SPMIP2: variants seen among roughly 807,000 people sequenced by gnomAD.
SPMIP2 encodes protein SPMIP2.
At chr4:158,995,441 A>G in the SPMIP2 span, among the ~76,000 whole-genome samples, 4 of 152,204 alleles carry the variant, frequency 2.6e-5, no homozygotes, top group South Asian at 2.1e-4. Flanking sequence ...GATGGCTTAA[A>G]TAATATATTT....
the SPMIP2 span, among the ~76,000 whole-genome samples, chr4:159,018,855 C>A: frequency 6.6e-6 from 1 of 152,172 alleles, no homozygotes; most frequent in Non-Finnish European, 1.5e-5. Flanking sequence ...CTTTGGGAGG[C>A]TGTGGCAGGC....
the SPMIP2 span, among the ~76,000 whole-genome samples, chr4:159,053,697 A>C: frequency 6.6e-6 from 1 of 152,094 alleles, no homozygotes; most frequent in Admixed American, 6.6e-5. Context: ...TGGGTGGTAT[A>C]AGGTTGGCAG....
chr4:159,064,813 T>A, the SPMIP2 span, among the ~76,000 whole-genome samples: 1 of 152,262 alleles, frequency 6.6e-6, no homozygotes, highest in African/African-American at 2.4e-5. Context: ...GACTACTGTC[T>A]GTCTTTCACC....
the SPMIP2 span, among the ~76,000 whole-genome samples, chr4:158,978,332 C>T: frequency 5.3e-5 from 8 of 152,072 alleles, no homozygotes; most frequent in African/African-American, 1.9e-4. Context: ...GTTTTACTTC[C>T]AATTATGTGA....
At chr4:159,021,171 C>T in the SPMIP2 span, among the ~76,000 whole-genome samples, 1 of 152,240 alleles carries the variant, frequency 6.6e-6, no homozygotes, top group South Asian at 2.1e-4. Flanking sequence ...AAACTCCCAT[C>T]CAAATTTGGA....
the SPMIP2 span, among the ~76,000 whole-genome samples, chr4:158,969,437 G>A: frequency 1.3e-5 from 2 of 152,076 alleles, no homozygotes; most frequent in African/African-American, 2.4e-5. Flanking sequence ...GATGATGAAA[G>A]TAATGGTCTG....
the SPMIP2 span, among the ~76,000 whole-genome samples, chr4:158,943,931 C>G: frequency 7.0e-6 from 1 of 143,672 alleles, no homozygotes; most frequent in African/African-American, 2.6e-5. Context: ...TCTCGGCTCA[C>G]CGCAACCTCC....
At chr4:158,999,412 G>A in the SPMIP2 span, among the ~76,000 whole-genome samples, 2 of 152,174 alleles carry the variant, frequency 1.3e-5, no homozygotes, top group African/African-American at 4.8e-5. Context: ...GGCAGTAAGT[G>A]ACTTCAATTT....
At chr4:158,899,049 T>C in the SPMIP2 span, among the ~76,000 whole-genome samples, 2 of 152,172 alleles carry the variant, frequency 1.3e-5, no homozygotes, top group African/African-American at 4.8e-5. Context: ...GTTTATAGCT[T>C]GAAGTGGTGT....
At chr4:158,954,750 A>G in the SPMIP2 span, among the ~76,000 whole-genome samples, 1 of 152,224 alleles carries the variant, frequency 6.6e-6, no homozygotes, top group Non-Finnish European at 1.5e-5. Flanking sequence ...AAAAACAGGC[A>G]TTTCTGAAGT....
the SPMIP2 span, among the ~76,000 whole-genome samples, chr4:158,968,624 T>C: frequency 6.6e-6 from 1 of 152,246 alleles, no homozygotes; most frequent in Non-Finnish European, 1.5e-5. Context: ...ATCTTGGCTC[T>C]ACTATTTACT....
At chr4:159,066,619 AT>A in the SPMIP2 span, among the ~76,000 whole-genome samples, 323 of 32,192 alleles carry the variant, frequency 0.01, 1 homozygote, top group Middle Eastern at 0.034. Flanking sequence ...ATATATATAT[AT>A]AGTATTAAAG....
the SPMIP2 span, among the ~76,000 whole-genome samples, chr4:158,894,499 C>T: frequency 6.6e-6 from 1 of 152,128 alleles, no homozygotes; most frequent in African/African-American, 2.4e-5. Context: ...TTTGATTTCA[C>T]GTCTAGTATA....
At chr4:159,026,411 A>C in the SPMIP2 span, 1 of 978,270 alleles carries the variant, frequency 1.0e-6, no homozygotes. Context: ...GTTCAGCATC[A>C]GGAGTGGGAT....
chr4:158,913,412 T>TG, the SPMIP2 span, among the ~76,000 whole-genome samples: 5 of 152,084 alleles, frequency 3.3e-5, no homozygotes, highest in Admixed American at 2.0e-4. Context: ...TTTGTAAAGA[T>TG]GGGGTCTCAC....
the SPMIP2 span, among the ~76,000 whole-genome samples, chr4:158,968,423 G>A: frequency 6.6e-6 from 1 of 152,172 alleles, no homozygotes; most frequent in Non-Finnish European, 1.5e-5. Context: ...CATGAAGAAA[G>A]GGATGCATAC....
the SPMIP2 span, among the ~76,000 whole-genome samples, chr4:158,967,242 T>C: frequency 6.6e-6 from 1 of 152,300 alleles, no homozygotes; most frequent in South Asian, 2.1e-4. Flanking sequence ...AACATCTGTA[T>C]ATAAGGAGGT....
At chr4:158,929,017 G>A in the SPMIP2 span, among the ~76,000 whole-genome samples, 5 of 152,268 alleles carry the variant, frequency 3.3e-5, no homozygotes, top group East Asian at 3.9e-4. Context: ...GCGTCCGAGC[G>A]TCCGTGGCTT....
At chr4:159,056,731 A>T in the SPMIP2 span, among the ~76,000 whole-genome samples, 1 of 152,164 alleles carries the variant, frequency 6.6e-6, no homozygotes, top group Non-Finnish European at 1.5e-5. Context: ...CAAGAATTTG[A>T]TAGGGAAAAT....
Sources: allele counts gnomAD v4.1 joint callset (sites outside exome capture counted in the v4.1 genomes callset), GRCh38; gene constraint gnomAD v4.1.1; transcripts MANE v1.5; gene names NCBI Gene and HGNC (gene_info 2026-07-23, HGNC 2026-07-21).